Variants in RTL4 observed in about 807,000 individuals in gnomAD.
The protein encoded by RTL4 is retrotransposon Gag like 4.
In RTL4, 4 loss-of-function variants were observed where a neutral mutation model predicts 5.3. That is an observed-to-expected ratio of 0.75 (90% confidence interval 0.37 to 1.72). The LOEUF (loss-of-function observed/expected upper bound fraction) is 1.72. Among genes scored for constraint, RTL4 ranks in the 40% most tolerant of loss-of-function variants. The pLI is 0.04. For synonymous variants in RTL4, 98 were observed against 87.3 expected (o/e 1.12, Z -0.68); for missense variants, 260 against 227.1 (o/e 1.14, Z -0.93).
chrX:112,305,353 TTTATTTTTA>T, the RTL4 span, among the ~76,000 whole-genome samples: 1 of 107,036 alleles, frequency 9.3e-6, no homozygotes, highest in Non-Finnish European at 1.9e-5. Context: ...TTTATTTTAT[TTTATTTTTA>T]TTTATTTATT....
chrX:112,203,839 C>A, the RTL4 span, among the ~76,000 whole-genome samples: 1 of 112,117 alleles, frequency 8.9e-6, no homozygotes, highest in Non-Finnish European at 1.9e-5. Context: ...CAAAATAAAA[C>A]AATTCAGGGA....
the RTL4 span, among the ~76,000 whole-genome samples, chrX:112,333,952 C>CA: frequency 9.4e-6 from 1 of 106,058 alleles, no homozygotes. Flanking sequence ...CAAACACCCC[C>CA]ACTACCTTTT....
chrX:112,252,735 T>G, the RTL4 span, among the ~76,000 whole-genome samples: 1 of 111,341 alleles, frequency 9.0e-6, no homozygotes, highest in African/African-American at 3.3e-5. Context: ...TTTTCTGTTC[T>G]GAATCCTGTT....
At chrX:112,321,840 C>T in the RTL4 span, among the ~76,000 whole-genome samples, 18 of 111,040 alleles carry the variant, frequency 1.6e-4, no homozygotes, top group Admixed American at 1.7e-3. Context: ...TGTACAACTC[C>T]CCTGTTAAAC....
chrX:112,245,510 G>A, the RTL4 span, among the ~76,000 whole-genome samples: 5 of 111,601 alleles, frequency 4.5e-5, no homozygotes, highest in African/African-American at 9.8e-5. Context: ...TTGTGCATGC[G>A]TCACGTAGTT....
At chrX:112,368,198 T>A in the RTL4 span, among the ~76,000 whole-genome samples, 2 of 111,544 alleles carry the variant, frequency 1.8e-5, no homozygotes, top group Non-Finnish European at 3.8e-5. Flanking sequence ...GTTTTAGTGA[T>A]CCAGGTGAAA....
the RTL4 span, among the ~76,000 whole-genome samples, chrX:112,140,764 C>A: frequency 8.9e-6 from 1 of 111,851 alleles, no homozygotes; most frequent in Non-Finnish European, 1.9e-5. Flanking sequence ...AATATTGATA[C>A]CATAGCAATA....
chrX:112,166,839 G>T, the RTL4 span, among the ~76,000 whole-genome samples: 1 of 111,824 alleles, frequency 8.9e-6, no homozygotes, highest in African/African-American at 3.2e-5. Context: ...TGTATACCAG[G>T]TATTAAGAAC....
chrX:112,220,288 AG>A, the RTL4 span, among the ~76,000 whole-genome samples: 1 of 112,857 alleles, frequency 8.9e-6, no homozygotes, highest in Non-Finnish European at 1.9e-5. Context: ...ATTTTTAAAA[AG>A]GACTACAGTA....
At chrX:112,316,100 C>A in the RTL4 span, among the ~76,000 whole-genome samples, 1 of 111,991 alleles carries the variant, frequency 8.9e-6, no homozygotes, top group Admixed American at 9.5e-5. Flanking sequence ...TCCCTTCCAA[C>A]CCTCCGCATT....
the RTL4 span, among the ~76,000 whole-genome samples, chrX:112,261,689 C>A: frequency 3.6e-5 from 4 of 111,856 alleles, no homozygotes; most frequent in African/African-American, 1.3e-4. Flanking sequence ...TTGGAAAAAA[C>A]TACTTTAAAG....
At chrX:112,254,562 C>T in the RTL4 span, among the ~76,000 whole-genome samples, 3 of 110,663 alleles carry the variant, frequency 2.7e-5, no homozygotes, top group Admixed American at 1.9e-4. Context: ...CTCTTGACCT[C>T]GTGATCCACC....
chrX:112,180,181 G>T, the RTL4 span, among the ~76,000 whole-genome samples: 1 of 111,104 alleles, frequency 9.0e-6, no homozygotes, highest in African/African-American at 3.3e-5. Flanking sequence ...AAAGGGGTTT[G>T]TTGGAGGAAA....
the RTL4 span, among the ~76,000 whole-genome samples, chrX:112,099,369 A>G: frequency 9.0e-6 from 1 of 111,422 alleles, no homozygotes; most frequent in Non-Finnish European, 1.9e-5. Flanking sequence ...GAGAATGACT[A>G]ATTTCTAACT....
At chrX:112,385,368 T>A in the RTL4 span, among the ~76,000 whole-genome samples, 1 of 95,145 alleles carries the variant, frequency 1.1e-5, no homozygotes, top group Non-Finnish European at 2.1e-5. Context: ...AATTATTGAA[T>A]AAGGTACAAG....
At chrX:112,329,302 T>C in the RTL4 span, among the ~76,000 whole-genome samples, 3 of 109,947 alleles carry the variant, frequency 2.7e-5, no homozygotes, top group Admixed American at 9.7e-5. Context: ...ATCAAATAGA[T>C]GCAATAAAAA....
At chrX:112,188,733 C>G in the RTL4 span, among the ~76,000 whole-genome samples, 1 of 99,014 alleles carries the variant, frequency 1.0e-5, no homozygotes, top group Admixed American at 1.1e-4. Context: ...CAAACACTCA[C>G]CCTCAAAAAA....
At chrX:112,162,236 T>C in the RTL4 span, among the ~76,000 whole-genome samples, 1 of 111,426 alleles carries the variant, frequency 9.0e-6, no homozygotes, top group Non-Finnish European at 1.9e-5. Context: ...TTTGTTTCAC[T>C]ATGAATCAAC....
the RTL4 span, among the ~76,000 whole-genome samples, chrX:112,296,207 A>G: frequency 2.7e-5 from 3 of 110,813 alleles, no homozygotes; most frequent in Admixed American, 2.9e-4. Context: ...CCAAAACTCC[A>G]GCAGAGTCAA....
Sources: gnomAD v4.1 joint callset for allele counts (sites outside exome capture counted in the v4.1 genomes callset) on GRCh38, gnomAD v4.1.1 for gene constraint, MANE v1.5 for transcripts, NCBI Gene and HGNC (gene_info 2026-07-23, HGNC 2026-07-21) for gene names.